ZBTB20: variants seen among roughly 807,000 people sequenced by gnomAD.
ZBTB20 encodes zinc finger and BTB domain-containing protein 20.
In ZBTB20, 9 loss-of-function variants were observed where a neutral mutation model predicts 56.9. The observed-to-expected ratio is 0.16, with a 90% CI of 0.10 to 0.28. The LOEUF (loss-of-function observed/expected upper bound fraction) is 0.28. ZBTB20 is among the 10% of genes least tolerant of loss of function. The pLI, the probability that ZBTB20 is intolerant of heterozygous loss-of-function variation, is 1.00. For synonymous variants in ZBTB20, 417 were observed against 420.7 expected (o/e 0.99, Z 0.11); for missense variants, 655 against 1,003.0 (o/e 0.65, Z 4.69).
intron 2 of ZBTB20, among the ~76,000 whole-genome samples, chr3:115,061,673 T>C (rs904656522): frequency 2.6e-5 from 4 of 152,154 alleles, no homozygotes; most frequent in African/African-American, 9.7e-5. Flanking sequence ...AAATCTCTTC[T>C]AAAAGTTTAC....
intron 11 of ZBTB20, 150 bp downstream of exon 11, chr3:114,350,124 C>G (rs961724998): frequency 5.2e-6 from 6 of 1,147,340 alleles, no homozygotes; most frequent in Non-Finnish European, 7.3e-6. Context: ...GGGAGGAACA[C>G]AGTTGGGGTT....
At chr3:114,756,210 G>A (rs557123636) in intron 5 of ZBTB20, among the ~76,000 whole-genome samples, 7 of 151,864 alleles carry the variant, frequency 4.6e-5, no homozygotes, top group South Asian at 4.2e-4. Context: ...TATTTACATC[G>A]CATGTACTCA....
At chr3:114,482,951 T>C (rs963717668) in intron 7 of ZBTB20, among the ~76,000 whole-genome samples, 40 of 152,234 alleles carry the variant, frequency 2.6e-4, no homozygotes, top group Non-Finnish European at 5.4e-4. Flanking sequence ...CTTTATACTA[T>C]AGACCTGCAG....
At chr3:114,435,403 ATT>A (rs941732157) in intron 7 of ZBTB20, among the ~76,000 whole-genome samples, 1 of 151,946 alleles carries the variant, frequency 6.6e-6, no homozygotes, top group Non-Finnish European at 1.5e-5. Context: ...TATTTTGCCC[ATT>A]TTTTTTGTAT....
intron 2 of ZBTB20, among the ~76,000 whole-genome samples, chr3:115,055,741 C>G (rs2081753683): frequency 6.6e-6 from 1 of 152,012 alleles, no homozygotes; most frequent in South Asian, 2.1e-4. Context: ...CATTATCAAT[C>G]TCAGAAGTTT....
chr3:114,469,175 T>C (rs1208033087), intron 7 of ZBTB20, among the ~76,000 whole-genome samples: 1 of 152,114 alleles, frequency 6.6e-6, no homozygotes, highest in Non-Finnish European at 1.5e-5. Flanking sequence ...GATTTGTAAC[T>C]TTCTAATTAA....
Position 115,026,205 on chromosome 3 carries a change from T to C in ZBTB20, c.-507+45014A>G, listed in dbSNP as rs377472722. On this transcript the variant is annotated intron_variant, in intron 2 of 11. Transcript: ENST00000675478. ...ACTGAAGTAAGTTAGGTAAGGTCCATTTTGACTAGGATTATTTCTGGCAAT... is the reference window on the plus strand; with the variant it reads ...ACTGAAGTAAGTTAGGTAAGGTCCACTTTGACTAGGATTATTTCTGGCAAT... 6.0e-5 allele frequency among the ~76,000 whole-genome samples: 9 copies of C among 151,070 alleles called. No individual in the cohort carries two copies. The East Asian group carries it at 1.8e-3, about 29-fold the overall frequency.
In ZBTB20 at chr3:114,869,050, C is replaced by T. The variant is rs1025215548; in HGVS notation, c.-417+31254G>A. Reference sequence around the variant, plus strand: ...AGCTATTTCTGAGGAGCTACTGGAACCTCCTCATTTTTTCTAGAGGTATCC... The same window carrying T: ...AGCTATTTCTGAGGAGCTACTGGAATCTCCTCATTTTTTCTAGAGGTATCC... On this transcript the variant is annotated intron_variant, in intron 4 of 11. Transcript: ENST00000675478. Among the ~76,000 whole-genome samples the T allele has an allele frequency of 7.9e-5, 12 of 152,160 alleles. No individual in the cohort carries two copies. The South Asian group carries it at 1.2e-3, about 16-fold the overall frequency.
At chr3:114,982,922 C>T (rs1032915887) in intron 2 of ZBTB20, among the ~76,000 whole-genome samples, 4 of 151,850 alleles carry the variant, frequency 2.6e-5, no homozygotes, top group African/African-American at 9.7e-5. Context: ...TAAAAGTATG[C>T]CTGGAATAAA....
At chr3:114,788,378 C>T (rs896198973) in intron 5 of ZBTB20, among the ~76,000 whole-genome samples, 4 of 152,112 alleles carry the variant, frequency 2.6e-5, no homozygotes, top group Non-Finnish European at 5.9e-5. Context: ...TCCTCCTAGC[C>T]CCTGGTAACC....
intron 6 of ZBTB20, among the ~76,000 whole-genome samples, chr3:114,510,392 C>T (rs1215955809): frequency 6.6e-6 from 1 of 152,022 alleles, no homozygotes; most frequent in Non-Finnish European, 1.5e-5. Context: ...CATGGGCTTT[C>T]TTTTAATTTT....
At chr3:114,995,226 T>C (rs995228805) in intron 2 of ZBTB20, among the ~76,000 whole-genome samples, 3 of 151,900 alleles carry the variant, frequency 2.0e-5, no homozygotes, top group Non-Finnish European at 4.4e-5. Flanking sequence ...CTAATTTCTG[T>C]AAAAACAAAA....
At chr3:114,649,889 C>T (rs2060040847) in intron 6 of ZBTB20, among the ~76,000 whole-genome samples, 2 of 151,794 alleles carry the variant, frequency 1.3e-5, no homozygotes, top group Non-Finnish European at 2.9e-5. Flanking sequence ...AATAATATAA[C>T]AACAATATAC....
chr3:114,989,129 G>T (rs1386098890), intron 2 of ZBTB20, among the ~76,000 whole-genome samples: 3 of 152,028 alleles, frequency 2.0e-5, no homozygotes, highest in Non-Finnish European at 2.9e-5. Flanking sequence ...GTTAATTTTG[G>T]CTTTTGTTGC....
At chr3:114,764,512 C>T (rs1236970785) in intron 5 of ZBTB20, among the ~76,000 whole-genome samples, 1 of 152,168 alleles carries the variant, frequency 6.6e-6, no homozygotes, top group Non-Finnish European at 1.5e-5. Context: ...ACTGGATGTG[C>T]ACATTACCTT....
chr3:114,355,185 A>G (rs1330043325), intron 10 of ZBTB20, among the ~76,000 whole-genome samples: 1 of 152,106 alleles, frequency 6.6e-6, no homozygotes. Flanking sequence ...ACACAATTCC[A>G]TGAGAAAAAT....
At chr3:114,857,814 A>G (rs897049888) in intron 4 of ZBTB20, among the ~76,000 whole-genome samples, 1 of 152,214 alleles carries the variant, frequency 6.6e-6, no homozygotes, top group Non-Finnish European at 1.5e-5. Context: ...AAAGTGAGAA[A>G]AAGAACCAAG....
At chr3:114,354,616 C>T (rs2108249820) in intron 10 of ZBTB20, among the ~76,000 whole-genome samples, 2 of 119,624 alleles carry the variant, frequency 1.7e-5, no homozygotes, top group East Asian at 2.7e-4. Flanking sequence ...GAGTCTTGCT[C>T]TGTTGCCCAG....
At chr3:114,448,344 G>A (rs1203030090) in intron 7 of ZBTB20, among the ~76,000 whole-genome samples, 1 of 151,872 alleles carries the variant, frequency 6.6e-6, no homozygotes, top group East Asian at 1.9e-4. Context: ...TCCTACATAT[G>A]CCACAATTTT....
Sources: gnomAD v4.1 joint callset for allele counts (sites outside exome capture counted in the v4.1 genomes callset) on GRCh38, gnomAD v4.1.1 for gene constraint, MANE v1.5 for transcripts, NCBI Gene and HGNC (gene_info 2026-07-23, HGNC 2026-07-21) for gene names.